The following ERI1 variants were observed in gnomAD, a reference collection of about 807,000 sequenced individuals.
ERI1 encodes the protein 3'-5' exoribonuclease 1.
Under a neutral mutation model 39.7 loss-of-function variants are expected in ERI1, and 39 were observed. The observed-to-expected ratio is 0.98, with a 90% CI of 0.76 to 1.28. The LOEUF (loss-of-function observed/expected upper bound fraction) is 1.28. Among genes scored for constraint, ERI1 ranks in the 50% most tolerant of loss-of-function variants. The pLI, the probability that ERI1 is intolerant of heterozygous loss-of-function variation, is 0.00. For synonymous variants in ERI1, 204 were observed against 149.6 expected (o/e 1.36, Z -2.65); for missense variants, 581 against 416.9 (o/e 1.39, Z -3.43).
chr8:9,098,181 T>C (rs1799937527), intron 3 of ERI1, among the ~76,000 whole-genome samples: 1 of 152,134 alleles, frequency 6.6e-6, no homozygotes, highest in African/African-American at 2.4e-5. Flanking sequence ...GTCAGGAGTA[T>C]GAGACCAGCC....
chr8:9,027,776 A>T (rs1395281794), intron 6 of ERI1, among the ~76,000 whole-genome samples: 1 of 152,084 alleles, frequency 6.6e-6, no homozygotes, highest in African/African-American at 2.4e-5. Context: ...GTGAAAGTTT[A>T]TTTCTAGACT....
rs936208043 is a variant in ERI1 at position 9,098,979 on chromosome 8, G to A, written n.300-17369G>A. On this transcript the variant is annotated intron_variant and non_coding_transcript_variant, in intron 3 of 3. Coordinates refer to the ERI1 transcript ENST00000518663. ...TTCCCGAGTAGCTGGGATTATAGGC[G>A]CCCCCCCACCACATCCGGCTAATTT... Among the ~76,000 whole-genome samples the A allele has an allele frequency of 8.6e-5, 13 of 151,510 alleles. 1 individual carries two copies. The highest frequency in any genetic ancestry group is 2.1e-4 in the South Asian group (1 of 4,782).
At chr8:9,018,162 G>C in intron 4 of ERI1, 135 bp from the exon 5 acceptor site, 1 of 528,030 alleles carries the variant, frequency 1.9e-6, no homozygotes, top group South Asian at 3.4e-5. Flanking sequence ...GTGGAGCTAA[G>C]CCAAGGAAAC....
intron 3 of ERI1, among the ~76,000 whole-genome samples, chr8:9,086,796 A>T (rs1211998921): frequency 1.3e-5 from 2 of 152,222 alleles, no homozygotes; most frequent in Non-Finnish European, 2.9e-5. Context: ...AAACATACAT[A>T]TTGGCTTGGA....
intron 3 of ERI1, among the ~76,000 whole-genome samples, chr8:9,067,517 TG>T (rs1299176075): frequency 6.6e-6 from 1 of 151,860 alleles, no homozygotes; most frequent in Non-Finnish European, 1.5e-5. Context: ...TAGCTGGGCA[TG>T]GTGGCATACA....
At chr8:9,004,195 G>C (rs956936221) in intron 1 of ERI1, 4 of 1,285,360 alleles carry the variant, frequency 3.1e-6, no homozygotes, top group African/African-American at 3.1e-5. Context: ...CTCCTTCTAA[G>C]GTTGTTATTT....
chr8:9,093,464 T>C (rs1234188270), intron 3 of ERI1, among the ~76,000 whole-genome samples: 1 of 134,104 alleles, frequency 7.5e-6, no homozygotes, highest in Non-Finnish European at 1.5e-5. Flanking sequence ...GGTATATGCA[T>C]ACACCTGGAT....
chr8:9,008,167 T>G lies in ERI1; in HGVS notation c.287+19T>G, dbSNP rs1469974531. On this transcript the variant is annotated intron_variant, in intron 2 of 6. Coordinates refer to ENST00000250263, the MANE Select transcript of ERI1 (RefSeq NM_153332.4). Reference sequence around the variant, plus strand: ...AAACTAGGTAATTAAAAATAACTTATAAAATTATAAAAGTAGTACATGCTC... The same window carrying G: ...AAACTAGGTAATTAAAAATAACTTAGAAAATTATAAAAGTAGTACATGCTC... The G allele has an allele frequency of 6.6e-7, 1 of 1,521,626 alleles. No homozygotes were observed. The highest frequency in any genetic ancestry group is 8.8e-7 in the Non-Finnish European group (1 of 1,132,982). 94.3% of individuals were successfully genotyped at this position (1,521,626 alleles called of 1,614,324 possible).
intron 3 of ERI1, among the ~76,000 whole-genome samples, chr8:9,015,506 G>C (rs530222392): frequency 6.6e-6 from 1 of 151,682 alleles, no homozygotes; most frequent in Non-Finnish European, 1.5e-5. Context: ...TAAGACCATC[G>C]TGTCAGGAGA....
chr8:9,044,078 T>G (rs754539385), intron 3 of ERI1, among the ~76,000 whole-genome samples: 2 of 152,216 alleles, frequency 1.3e-5, no homozygotes, highest in African/African-American at 4.8e-5. Context: ...GCTCCCAATT[T>G]TCCTTACAAA....
intron 3 of ERI1, among the ~76,000 whole-genome samples, chr8:9,079,386 A>G (rs1799305077): frequency 6.6e-6 from 1 of 152,242 alleles, no homozygotes; most frequent in African/African-American, 2.4e-5. Flanking sequence ...TTCCCTAAAC[A>G]AATGCATTGT....
At chr8:9,007,762 T>C (rs1333225034) in intron 1 of ERI1, among the ~76,000 whole-genome samples, 2 of 152,104 alleles carry the variant, frequency 1.3e-5, no homozygotes, top group African/African-American at 4.8e-5. Context: ...ACCTCATGAC[T>C]CATAATAGAG....
At chr8:9,069,621 T>G (rs562566416) in intron 3 of ERI1, among the ~76,000 whole-genome samples, 1 of 152,268 alleles carries the variant, frequency 6.6e-6, no homozygotes, top group Admixed American at 6.5e-5. Flanking sequence ...CACTTGAAAA[T>G]TACTCTAATG....
At chr8:9,072,476 A>G (rs1425385287) in intron 3 of ERI1, 1 of 152,200 alleles carries the variant, frequency 6.6e-6, no homozygotes. Context: ...AGTGAAAACC[A>G]GAAAACCTGC....
intron 3 of ERI1, among the ~76,000 whole-genome samples, chr8:9,064,740 CAG>C (rs1433645555): frequency 6.7e-6 from 1 of 149,506 alleles, no homozygotes; most frequent in Non-Finnish European, 1.5e-5. Context: ...AGCAGGAGGA[CAG>C]GGGATTGATC....
chr8:9,042,073 G>C (rs953500353), intron 3 of ERI1, among the ~76,000 whole-genome samples: 1 of 152,130 alleles, frequency 6.6e-6, no homozygotes, highest in African/African-American at 2.4e-5. Context: ...AGTACCTCAA[G>C]GAACTGGAAA....
chr8:9,066,781 T>C (rs920525431), intron 3 of ERI1, among the ~76,000 whole-genome samples: 1 of 151,890 alleles, frequency 6.6e-6, no homozygotes, highest in Non-Finnish European at 1.5e-5. Flanking sequence ...GGCGGGTGAG[T>C]TGAGAGGGAA....
intron 3 of ERI1, among the ~76,000 whole-genome samples, chr8:9,064,712 C>A (rs1253167127): frequency 6.6e-6 from 1 of 152,092 alleles, no homozygotes; most frequent in African/African-American, 2.4e-5. Context: ...CTAGGTGGAT[C>A]TTTTTCACGG....
intron 3 of ERI1, among the ~76,000 whole-genome samples, chr8:9,098,807 T>A (rs958781152): frequency 6.6e-6 from 1 of 152,164 alleles, no homozygotes. Flanking sequence ...AAATTGCACA[T>A]ATTTCAAATA....
Sources: allele counts gnomAD v4.1 joint callset (sites outside exome capture counted in the v4.1 genomes callset), GRCh38; gene constraint gnomAD v4.1.1; transcripts MANE v1.5; gene names NCBI Gene and HGNC (gene_info 2026-07-23, HGNC 2026-07-21).